VAV3: variants seen among roughly 807,000 people sequenced by gnomAD.
VAV3 encodes vav guanine nucleotide exchange factor 3, also known as guanine nucleotide exchange factor VAV3.
In VAV3, 94 loss-of-function variants were observed where a neutral mutation model predicts 131.2. The observed-to-expected ratio is 0.72, with a 90% confidence interval of 0.61 to 0.85. The LOEUF is 0.85. Among genes scored for constraint, VAV3 ranks in the 40% least tolerant of loss-of-function variants. The pLI, the probability that VAV3 is intolerant of heterozygous loss-of-function variation, is 0.00. For missense variants in VAV3, 939 were observed against 1,002.7 expected (o/e 0.94, Z 0.86); for synonymous variants, 349 against 342.0 (o/e 1.02, Z -0.22).
intron 19 of VAV3, among the ~76,000 whole-genome samples, chr1:107,679,933 G>T (rs907544785): frequency 2.6e-5 from 4 of 152,116 alleles, no homozygotes; most frequent in African/African-American, 9.7e-5. Context: ...ACCAGAATTT[G>T]CATCTAATAC....
At chr1:107,838,718 G>A (rs751142086) in intron 2 of VAV3, among the ~76,000 whole-genome samples, 8 of 152,186 alleles carry the variant, frequency 5.3e-5, no homozygotes, top group East Asian at 1.9e-4. Flanking sequence ...GCCCAACAAC[G>A]GTAGACCAGA....
At chr1:107,916,854 A>G (rs1361086947) in intron 1 of VAV3, among the ~76,000 whole-genome samples, 3 of 152,226 alleles carry the variant, frequency 2.0e-5, no homozygotes, top group African/African-American at 7.2e-5. Flanking sequence ...GAGAAACATC[A>G]TGGACAGCAA....
chr1:107,800,449 T>C (rs140610196), intron 2 of VAV3, among the ~76,000 whole-genome samples: 1,696 of 152,292 alleles, frequency 0.011, 11 homozygotes, highest in South Asian at 0.03. Flanking sequence ...TTATTAGTGA[T>C]GCTGAACATT....
intron 15 of VAV3, among the ~76,000 whole-genome samples, chr1:107,741,998 C>A (rs924471485): frequency 6.6e-6 from 1 of 152,152 alleles, no homozygotes; most frequent in Non-Finnish European, 1.5e-5. Context: ...ATAAAAATGC[C>A]TTAGCAAAAC....
At chr1:107,634,076 C>G (rs1654719803) in intron 20 of VAV3, among the ~76,000 whole-genome samples, 2 of 152,124 alleles carry the variant, frequency 1.3e-5, no homozygotes, top group Non-Finnish European at 1.5e-5. Flanking sequence ...AATGCCATCC[C>G]CATCAAGCTA....
intron 2 of VAV3, among the ~76,000 whole-genome samples, chr1:107,823,102 C>T (rs1440726474): frequency 6.6e-6 from 1 of 152,028 alleles, no homozygotes; most frequent in Non-Finnish European, 1.5e-5. Context: ...ACTATCCAAT[C>T]GATGAGAAAG....
At chr1:107,596,437 T>C (rs976256568) in intron 24 of VAV3, 96 bp from the exon 25 acceptor site, 2 of 1,360,266 alleles carry the variant, frequency 1.5e-6, no homozygotes, top group South Asian at 1.4e-5. Flanking sequence ...GGATGACCAA[T>C]TTAATGCTAA....
intron 23 of VAV3, among the ~76,000 whole-genome samples, 185 bp downstream of exon 23, chr1:107,602,862 C>T (rs548423579): frequency 2.0e-5 from 3 of 152,216 alleles, no homozygotes; most frequent in Admixed American, 6.5e-5. Context: ...CAATTAGCAA[C>T]CTATAACACT....
intron 19 of VAV3, among the ~76,000 whole-genome samples, chr1:107,667,814 C>T (rs1001575067): frequency 5.3e-5 from 8 of 152,210 alleles, no homozygotes; most frequent in East Asian, 3.9e-4. Context: ...TTTCTAATCA[C>T]GTTAAAATCA....
intron 24 of VAV3, among the ~76,000 whole-genome samples, chr1:107,601,314 A>G (rs1377289252): frequency 6.6e-6 from 1 of 152,148 alleles, no homozygotes; most frequent in Non-Finnish European, 1.5e-5. Context: ...TTACATCCAT[A>G]GAGATTTTCT....
intron 19 of VAV3, chr1:107,673,573 T>C (rs1473821208): frequency 6.6e-6 from 1 of 152,288 alleles, no homozygotes; most frequent in African/African-American, 2.4e-5. Flanking sequence ...CTCCCTGATC[T>C]CAAATCTTCA....
intron 2 of VAV3, among the ~76,000 whole-genome samples, chr1:107,823,242 T>C (rs1667876660): frequency 6.6e-6 from 1 of 152,244 alleles, no homozygotes; most frequent in South Asian, 2.1e-4. Context: ...TCCAGGTTTA[T>C]GATTTTAGAA....
intron 19 of VAV3, among the ~76,000 whole-genome samples, chr1:107,658,498 G>A (rs1475804560): frequency 6.6e-6 from 1 of 151,950 alleles, no homozygotes; most frequent in Non-Finnish European, 1.5e-5. Context: ...GGTATTTCTA[G>A]TTCTAGATCC....
chr1:107,779,584 G>A, intron 2 of VAV3, 92 bp from the exon 3 acceptor site: 6 of 931,742 alleles, frequency 6.4e-6, no homozygotes, highest in Non-Finnish European at 9.0e-6. Context: ...ATTAACCATA[G>A]CAGCAGAAAC....
chr1:107,615,591 G>T (rs1653091951), intron 21 of VAV3, among the ~76,000 whole-genome samples: 1 of 152,076 alleles, frequency 6.6e-6, no homozygotes, highest in Admixed American at 6.6e-5. Flanking sequence ...AACAAAAATT[G>T]ACAAATGGGA....
intron 2 of VAV3, among the ~76,000 whole-genome samples, chr1:107,871,563 A>C (rs1670254909): frequency 6.6e-6 from 1 of 152,048 alleles, no homozygotes; most frequent in African/African-American, 2.4e-5. Context: ...ATGTTGGTGG[A>C]GTTTGAAGTG....
At chr1:107,949,863 C>G (rs1315384514) in intron 1 of VAV3, among the ~76,000 whole-genome samples, 1 of 152,170 alleles carries the variant, frequency 6.6e-6, no homozygotes. Context: ...TCTGCTAAAC[C>G]TACATTGTGG....
intron 2 of VAV3, among the ~76,000 whole-genome samples, chr1:107,830,612 CTT>C (rs1184628825): frequency 1.3e-5 from 2 of 152,178 alleles, no homozygotes; most frequent in Non-Finnish European, 2.9e-5. Flanking sequence ...GCCCCTGCCT[CTT>C]TGCAGACATC....
intron 1 of VAV3, among the ~76,000 whole-genome samples, chr1:107,957,506 G>A (rs536637123): frequency 8.5e-5 from 13 of 152,244 alleles, no homozygotes; most frequent in Admixed American, 2.6e-4. Flanking sequence ...TATGAATTTG[G>A]GATCCAGCAA....
Sources: allele counts gnomAD v4.1 joint callset (sites outside exome capture counted in the v4.1 genomes callset), GRCh38; gene constraint gnomAD v4.1.1; transcripts MANE v1.5; gene names NCBI Gene and HGNC (gene_info 2026-07-23, HGNC 2026-07-21).